Variants in COBL observed in about 807,000 individuals in gnomAD.
COBL encodes the protein cordon-bleu WH2 repeat protein.
COBL carries 51 observed loss-of-function variants against 98.8 expected under a neutral mutation model. That is an observed-to-expected ratio of 0.52 (90% CI 0.41 to 0.65). COBL has a LOEUF of 0.65. Among genes scored for constraint, COBL ranks in the 30% least tolerant of loss-of-function variants. The pLI is 0.00. For missense variants in COBL, 1,617 were observed against 1,617.5 expected, an observed-to-expected ratio of 1.00 and a Z score of 0.01; for synonymous variants, 634 against 651.7, an observed-to-expected ratio of 0.97 and a Z score of 0.41.
intron 1 of COBL, among the ~76,000 whole-genome samples, chr7:51,254,773 T>C (rs963719395): frequency 1.3e-5 from 2 of 152,198 alleles, no homozygotes; most frequent in African/African-American, 2.4e-5. Context: ...TCTGACCTCA[T>C]GAAGGGGACT....
chr7:51,183,007 CGCAGACACATCTGT>C (rs1789136595), intron 5 of COBL, among the ~76,000 whole-genome samples: 2 of 152,326 alleles, frequency 1.3e-5, no homozygotes, highest in African/African-American at 4.8e-5. Flanking sequence ...TGGCTCTGCA[CGCAGACACATCTGT>C]GTCTAAGCCT....
At chr7:51,054,455 T>A (rs1313444410) in intron 7 of COBL, among the ~76,000 whole-genome samples, 2 of 152,178 alleles carry the variant, frequency 1.3e-5, no homozygotes, top group Admixed American at 1.3e-4. Flanking sequence ...GTGCTGGGCT[T>A]GTTGGGAGAT....
At chr7:51,023,785 C>T (rs925415124) in intron 12 of COBL, among the ~76,000 whole-genome samples, 5 of 152,170 alleles carry the variant, frequency 3.3e-5, no homozygotes, top group African/African-American at 4.8e-5. Context: ...GCTTACCCAG[C>T]GTCTCCTGGG....
At chr7:51,214,607 A>C (rs1792843979) in intron 2 of COBL, among the ~76,000 whole-genome samples, 1 of 152,124 alleles carries the variant, frequency 6.6e-6, no homozygotes, top group Non-Finnish European at 1.5e-5. Context: ...GATTATAAGC[A>C]AGTTAGTTGT....
At chr7:51,152,591 T>C (rs577779358) in intron 5 of COBL, among the ~76,000 whole-genome samples, 1 of 152,378 alleles carries the variant, frequency 6.6e-6, no homozygotes, top group Non-Finnish European at 1.5e-5. Flanking sequence ...CCAGGTATTC[T>C]TCTCCTTCAG....
At chr7:51,316,514 G>A (rs1180103494) in intron 1 of COBL, 79 bp downstream of exon 1, 2 of 1,096,628 alleles carry the variant, frequency 1.8e-6, no homozygotes, top group Non-Finnish European at 2.3e-6. Context: ...CGCCCTGCCC[G>A]GGAGCGCGCG....
intron 1 of COBL, among the ~76,000 whole-genome samples, chr7:51,226,440 A>G (rs1463617474): frequency 1.3e-5 from 2 of 152,246 alleles, no homozygotes; most frequent in African/African-American, 4.8e-5. Context: ...CCCTCTACCA[A>G]GGGAAGAGGA....
At chr7:51,295,317 A>G (rs113448896) in intron 1 of COBL, among the ~76,000 whole-genome samples, 132 of 151,660 alleles carry the variant, frequency 8.7e-4, no homozygotes, top group African/African-American at 3.1e-3. Context: ...ATGACAGGTT[A>G]GTAGGTGTAG....
chr7:51,252,473 A>T lies in COBL; in HGVS notation c.42-32529T>A, dbSNP rs1796811245. Among the ~76,000 whole-genome samples the T allele has an allele frequency of 3.9e-5, 6 of 152,190 alleles. No homozygotes were observed. In the South Asian group the frequency reaches 1.2e-3, roughly 32 times the overall value. ...TGTTCTGGACATTTCACATAAGTGAAATCATACAATACGCATGCTCTGTGA... is the reference window on the plus strand; with the variant it reads ...TGTTCTGGACATTTCACATAAGTGATATCATACAATACGCATGCTCTGTGA... On this transcript the variant is annotated intron_variant, in intron 1 of 12. Coordinates refer to ENST00000265136, the MANE Select transcript of COBL (RefSeq NM_015198.5).
intron 1 of COBL, among the ~76,000 whole-genome samples, chr7:51,315,922 T>C (rs1331351420): frequency 6.6e-6 from 1 of 151,614 alleles, no homozygotes; most frequent in Non-Finnish European, 1.5e-5. Flanking sequence ...GACTCGCGGG[T>C]CCGCTACGGA....
At chr7:51,144,218 T>C (rs1172617513) in intron 5 of COBL, among the ~76,000 whole-genome samples, 1 of 152,182 alleles carries the variant, frequency 6.6e-6, no homozygotes, top group Non-Finnish European at 1.5e-5. Context: ...GATAGATTCG[T>C]GTGCAGACAT....
intron 7 of COBL, among the ~76,000 whole-genome samples, chr7:51,066,528 T>C (rs552645810): frequency 6.6e-6 from 1 of 152,316 alleles, no homozygotes; most frequent in African/African-American, 2.4e-5. Context: ...TGCTTTTGGT[T>C]GCAGACAAGT....
chr7:51,267,227 T>C (rs1175881253), intron 1 of COBL, among the ~76,000 whole-genome samples: 2 of 152,182 alleles, frequency 1.3e-5, no homozygotes, highest in Non-Finnish European at 2.9e-5. Flanking sequence ...ATGCCAAACC[T>C]GGTACCCTTT....
At chr7:51,065,020 T>C (rs1160126827) in intron 7 of COBL, 2 of 604,382 alleles carry the variant, frequency 3.3e-6, no homozygotes, top group African/African-American at 1.8e-5. Context: ...ACAGAATTCA[T>C]TACATTAGAA....
intron 6 of COBL, among the ~76,000 whole-genome samples, chr7:51,128,514 G>A (rs1255459131): frequency 6.6e-6 from 1 of 152,138 alleles, no homozygotes; most frequent in Non-Finnish European, 1.5e-5. Context: ...AGCGGGGAGG[G>A]GAGAGAAATG....
intron 1 of COBL, among the ~76,000 whole-genome samples, chr7:51,255,368 G>T (rs1264168489): frequency 6.6e-6 from 1 of 152,156 alleles, no homozygotes; most frequent in African/African-American, 2.4e-5. Flanking sequence ...CAACCACAAT[G>T]CAGCCCTTCC....
intron 6 of COBL, among the ~76,000 whole-genome samples, chr7:51,131,885 C>T (rs1798778541): frequency 6.6e-6 from 1 of 152,080 alleles, no homozygotes; most frequent in African/African-American, 2.4e-5. Context: ...AGCCACCATG[C>T]CCGGTGATTT....
rs115794136 is a variant in COBL at position 51,085,224 on chromosome 7, C to T, written c.1038G>A (p.Pro346=). ...PAPPPPQPPP[P]SPLIPNRTED... ...CAGTGCGGTTGGGGATCAGGGGACT[C>T]GGTGGTGGTGGCTGTGGTGGAGGGG... Residue 346 remains proline, a synonymous_variant, in exon 7 of 13, where the codon CCG becomes CCA. Transcript: ENST00000265136. The T allele has an allele frequency of 4.7e-4, 754 of 1,613,892 alleles. 4 individuals are homozygous for T. The African/African-American group carries it at 6.1e-3, about 13-fold the overall frequency.
chr7:51,232,817 A>AAAAG (rs971997845), intron 1 of COBL, among the ~76,000 whole-genome samples: 2 of 152,144 alleles, frequency 1.3e-5, no homozygotes, highest in East Asian at 1.9e-4. Flanking sequence ...CCACAAAAAA[A>AAAAG]AAAGAAAGAA....
Sources: allele counts gnomAD v4.1 joint callset (sites outside exome capture counted in the v4.1 genomes callset), GRCh38; gene constraint gnomAD v4.1.1; transcripts MANE v1.5; gene names NCBI Gene and HGNC (gene_info 2026-07-23, HGNC 2026-07-21).